LRP1B: variants seen among roughly 807,000 people sequenced by gnomAD.
LRP1B encodes low-density lipoprotein receptor-related protein 1B.
In LRP1B, 217 loss-of-function variants were observed where a neutral mutation model predicts 556.6. The ratio of observed to expected loss-of-function variants is 0.39; its 90% CI spans 0.35 to 0.44. LRP1B has a LOEUF of 0.44. Among genes scored for constraint, LRP1B ranks in the 20% least tolerant of loss-of-function variants. LRP1B has a pLI of 1.00. For missense variants in LRP1B, 5,053 were observed against 5,620.8 expected (o/e 0.90, Z 3.23); for synonymous variants, 2,047 against 1,865.8 (o/e 1.10, Z -2.50).
intron 5 of LRP1B, among the ~76,000 whole-genome samples, chr2:141,235,586 G>T (rs9287314): frequency 6.6e-6 from 1 of 151,928 alleles, no homozygotes; most frequent in Non-Finnish European, 1.5e-5. Flanking sequence ...TTTGACAAAA[G>T]TACAGATGTG....
chr2:142,061,510 A>G (rs1395841704), intron 1 of LRP1B, among the ~76,000 whole-genome samples: 4 of 152,034 alleles, frequency 2.6e-5, no homozygotes, highest in African/African-American at 7.2e-5. Flanking sequence ...AGAATATAAC[A>G]CAAGGTAGTG....
chr2:140,560,012 T>A (rs2105074474), intron 43 of LRP1B, among the ~76,000 whole-genome samples: 1 of 152,268 alleles, frequency 6.6e-6, no homozygotes, highest in African/African-American at 2.4e-5. Context: ...TCATAGGGAA[T>A]AAATAGTAAC....
chr2:141,795,857 A>AAAATATATATATATATATATAT (rs1491180183), intron 2 of LRP1B, among the ~76,000 whole-genome samples: 6 of 51,606 alleles, frequency 1.2e-4, no homozygotes, highest in Admixed American at 2.3e-4. Context: ...AACCAGGAGC[A>AAAATATATATATATATATATAT]ATATATATAT....
At chr2:140,239,897 C>T (rs1376019829) in intron 87 of LRP1B, among the ~76,000 whole-genome samples, 1 of 150,950 alleles carries the variant, frequency 6.6e-6, no homozygotes, top group African/African-American at 2.4e-5. Context: ...TAAACATTTA[C>T]ACAGTTTCAC....
intron 3 of LRP1B, among the ~76,000 whole-genome samples, chr2:141,445,434 C>T (rs1479120456): frequency 6.6e-6 from 1 of 152,184 alleles, no homozygotes; most frequent in African/African-American, 2.4e-5. Flanking sequence ...CAGTTCTGCT[C>T]TGATCTTAGT....
intron 1 of LRP1B, among the ~76,000 whole-genome samples, chr2:141,912,827 C>T (rs535896686): frequency 6.6e-6 from 1 of 152,268 alleles, no homozygotes; most frequent in African/African-American, 2.4e-5. Context: ...TTTCTGGCCC[C>T]TTCTCCACCA....
intron 84 of LRP1B, among the ~76,000 whole-genome samples, chr2:140,291,319 T>TA (rs1553440647): frequency 0.34 from 17,418 of 50,774 alleles, 3,258 homozygotes; most frequent in Non-Finnish European, 0.42. Context: ...TATATATATA[T>TA]TTTTATTATA....
chr2:141,028,702 T>A (rs1009104419), intron 11 of LRP1B, among the ~76,000 whole-genome samples: 10 of 152,136 alleles, frequency 6.6e-5, no homozygotes, highest in East Asian at 3.9e-4. Flanking sequence ...TAGATCTTTT[T>A]AATCAGTTTA....
intron 1 of LRP1B, among the ~76,000 whole-genome samples, chr2:141,850,674 A>T (rs1399865093): frequency 6.7e-6 from 1 of 149,146 alleles, no homozygotes; most frequent in African/African-American, 2.5e-5. Flanking sequence ...ACACAAAAGT[A>T]GTCCTCAAAA....
chr2:141,460,452 T>C (rs1267522499), intron 3 of LRP1B, among the ~76,000 whole-genome samples: 4 of 152,114 alleles, frequency 2.6e-5, no homozygotes, highest in Non-Finnish European at 5.9e-5. Context: ...GTCAGACAAA[T>C]AAGTAGCAAG....
intron 14 of LRP1B, among the ~76,000 whole-genome samples, chr2:141,008,544 CAA>C (rs897300215): frequency 6.6e-6 from 1 of 151,388 alleles, no homozygotes; most frequent in Non-Finnish European, 1.5e-5. Context: ...CCAAAACCAA[CAA>C]AAGTCTATTA....
intron 6 of LRP1B, among the ~76,000 whole-genome samples, chr2:141,213,819 GT>G (rs971133724): frequency 4.5e-4 from 67 of 150,366 alleles, no homozygotes; most frequent in Non-Finnish European, 7.8e-4. Context: ...TTTTTTACTG[GT>G]TTTTTTTTCC....
At chr2:141,494,255 C>T (rs1465252723) in intron 2 of LRP1B, among the ~76,000 whole-genome samples, 1 of 152,112 alleles carries the variant, frequency 6.6e-6, no homozygotes, top group African/African-American at 2.4e-5. Context: ...ATCTTACCTC[C>T]TAACATCTGC....
chr2:141,913,520 G>C (rs371477602), intron 1 of LRP1B, among the ~76,000 whole-genome samples: 33 of 152,262 alleles, frequency 2.2e-4, no homozygotes, highest in African/African-American at 6.7e-4. Flanking sequence ...CCATGACAGA[G>C]AACAGACAAC....
intron 2 of LRP1B, among the ~76,000 whole-genome samples, chr2:141,739,745 AAC>A (rs1258374127): frequency 1.3e-5 from 2 of 151,736 alleles, no homozygotes; most frequent in African/African-American, 4.8e-5. Flanking sequence ...AAAGATATGC[AAC>A]AGTTTCTTTA....
intron 18 of LRP1B, among the ~76,000 whole-genome samples, chr2:140,977,414 G>A (rs918851146): frequency 2.6e-5 from 4 of 152,110 alleles, no homozygotes; most frequent in African/African-American, 7.2e-5. Flanking sequence ...CACCAGCAGC[G>A]TGAAAATGGA....
At chr2:142,063,197 AT>A (rs1026969796) in intron 1 of LRP1B, among the ~76,000 whole-genome samples, 4 of 151,598 alleles carry the variant, frequency 2.6e-5, no homozygotes, top group Admixed American at 1.3e-4. Context: ...ATGTACAATT[AT>A]TTCCCCCCAT....
In LRP1B at chr2:140,457,592, A is replaced by G. The variant is rs2105324197; in HGVS notation, c.9685T>C (p.Trp3229Arg). 1.9e-6 allele frequency: 3 copies of G among 1,613,840 alleles called. No homozygotes were observed. Among genetic ancestry groups the G allele is most frequent in the Non-Finnish European group, 2.5e-6 (3 of 1,179,770 alleles). The change falls in exon 61 of 91, where the codon TGG becomes CGG. Residue 3229 changes from tryptophan to arginine, a missense_variant. By Grantham distance (101) the Trp-to-Arg change is moderately radical. Coordinates refer to ENST00000389484, the MANE Select transcript of LRP1B (RefSeq NM_018557.3). Reference protein sequence around the residue: ...ALTLFEDYIYWTDGKTKSLSR... With the variant: ...ALTLFEDYIYRTDGKTKSLSR... The stretch of plus-strand genomic sequence containing the variant: ...AGTGACTTGGTTTTCCCATCAGTCC[A>G]GTAGATGTAGTCTTCAAACAATGTT...
intron 78 of LRP1B, among the ~76,000 whole-genome samples, 200 bp downstream of exon 78, chr2:140,335,415 A>G (rs1681030719): frequency 6.6e-6 from 1 of 152,022 alleles, no homozygotes. Context: ...TAATACAGGA[A>G]TATTTCAGAA....
Sources: gnomAD v4.1 joint callset for allele counts (sites outside exome capture counted in the v4.1 genomes callset) on GRCh38, gnomAD v4.1.1 for gene constraint, MANE v1.5 for transcripts, NCBI Gene and HGNC (gene_info 2026-07-23, HGNC 2026-07-21) for gene names.